LARP1: variants seen among roughly 807,000 people sequenced by gnomAD.
LARP1 encodes La ribonucleoprotein 1, translational regulator.
Under a neutral mutation model 122.7 loss-of-function variants are expected in LARP1, and 36 were observed. That is an observed-to-expected ratio of 0.29 (90% CI 0.22 to 0.39). The LOEUF is 0.39. Ranked by LOEUF, LARP1 falls within the 10% of genes least tolerant of loss-of-function variation. The pLI is 1.00. For missense variants in LARP1, 1,040 were observed against 1,403.6 expected (o/e 0.74, Z 4.14); for synonymous variants, 539 against 528.7 (o/e 1.02, Z -0.27).
At chr5:154,778,206 G>A (rs1756081638) in intron 1 of LARP1, among the ~76,000 whole-genome samples, 1 of 150,224 alleles carries the variant, frequency 6.7e-6, no homozygotes, top group African/African-American at 2.5e-5. Context: ...CTTGCAGTGA[G>A]CCGAGATCGC....
intron 18 of LARP1, among the ~76,000 whole-genome samples, chr5:154,812,051 A>G (rs999666396): frequency 3.3e-5 from 5 of 152,200 alleles, no homozygotes; most frequent in East Asian, 3.9e-4. Flanking sequence ...CAGCGCCTCA[A>G]CGGTGACATC....
upstream of LARP1, among the ~76,000 whole-genome samples, chr5:154,753,702 G>C (rs1483560722): frequency 1.3e-5 from 2 of 152,174 alleles, no homozygotes; most frequent in East Asian, 3.8e-4. Flanking sequence ...CCAGGAGAGG[G>C]GTCCAGGGAA....
chr5:154,761,215 C>G (rs949106467), intron 1 of LARP1, among the ~76,000 whole-genome samples: 1 of 152,292 alleles, frequency 6.6e-6, no homozygotes, highest in South Asian at 2.1e-4. Context: ...TCCTTTTGCA[C>G]AGGTAGTTTG....
intron 1 of LARP1, among the ~76,000 whole-genome samples, chr5:154,734,536 A>G (rs1582236316): frequency 6.6e-6 from 1 of 152,216 alleles, no homozygotes; most frequent in East Asian, 1.9e-4. Context: ...ATTAGAATAG[A>G]AAAGGACATT....
In LARP1 at chr5:154,803,939, C is replaced by A; in HGVS notation, c.2439+194C>A. On this transcript the variant is annotated intron_variant, in intron 13 of 18. Coordinates refer to ENST00000518297, the MANE Select transcript of LARP1 (RefSeq NM_033551.3). The surrounding 1 kb of genome is among the most constrained non-coding windows in gnomAD (Gnocchi z 4.4). ...AATATACTGGGTGTGGGAGTGGTAACCCCATGTTGAAAGGCCTAAGGAGGA... is the reference window on the plus strand; with the variant it reads ...AATATACTGGGTGTGGGAGTGGTAAACCCATGTTGAAAGGCCTAAGGAGGA... 6.6e-6 allele frequency among the ~76,000 whole-genome samples: 1 copy of A among 152,088 alleles called. No homozygotes were observed. The highest frequency in any genetic ancestry group is 1.9e-4 in the East Asian group (1 of 5,192).
chr5:154,759,532 T>C (rs936911018), intron 1 of LARP1, among the ~76,000 whole-genome samples: 2 of 152,190 alleles, frequency 1.3e-5, no homozygotes, highest in African/African-American at 2.4e-5. Flanking sequence ...GTTTTAACTT[T>C]TTAGTTTGCC....
At chr5:154,794,372 C>G (rs1757582183) in intron 7 of LARP1, 110 bp downstream of exon 7, 3 of 1,037,512 alleles carry the variant, frequency 2.9e-6, no homozygotes, top group Non-Finnish European at 4.2e-6. Flanking sequence ...GTTTCAGCCT[C>G]AGGCTGAAAA....
chr5:154,741,898 G>C (rs905215470), intron 1 of LARP1, among the ~76,000 whole-genome samples: 1 of 152,164 alleles, frequency 6.6e-6, no homozygotes, highest in Non-Finnish European at 1.5e-5. Flanking sequence ...AACACACCAG[G>C]CAATGATACC....
intron 8 of LARP1, among the ~76,000 whole-genome samples, chr5:154,796,894 G>C (rs1757905799): frequency 6.6e-6 from 1 of 152,188 alleles, no homozygotes. Flanking sequence ...TAGGTGACCA[G>C]TGAGATTTGG....
chr5:154,755,766 T>A lies in LARP1; in HGVS notation c.9T>A (p.Thr3=). The change falls in exon 1 of 19, where the codon ACT becomes ACA. Residue 3 remains threonine (T), a synonymous_variant. Transcript: ENST00000518297. The part of the protein sequence containing the change: MA[T]QVEPLLPGGA... ...GGGGGGCGGGCGCGCAGATGGCCAC[T>A]CAGGTGGAGCCGCTGCTGCCTGGGG... 1 of 987,254 alleles carries A rather than the reference T, an allele frequency of 1.0e-6. No individual in the cohort carries two copies. The highest frequency in any genetic ancestry group is 1.2e-6 in the Non-Finnish European group (1 of 830,762). The allele number at this position is 987,254 out of a possible 1,614,324, so 61.2% of individuals were successfully genotyped here. A position where few individuals can be genotyped will look rare whatever the true frequency, so the allele number is the denominator to read the frequency against.
chr5:154,704,991 G>A (rs553347679), intron 1 of LARP1, among the ~76,000 whole-genome samples: 49 of 151,866 alleles, frequency 3.2e-4, no homozygotes, highest in African/African-American at 1.0e-3. Context: ...GGTGGCATGC[G>A]CCTGTAATCC....
At chr5:154,792,118 A>C in intron 3 of LARP1, 1 of 370,098 alleles carries the variant, frequency 2.7e-6, no homozygotes. Context: ...TCCAGACCAC[A>C]TGTCTTGGGG....
chr5:154,785,150 C>G (rs1756779657), intron 1 of LARP1, among the ~76,000 whole-genome samples: 1 of 152,236 alleles, frequency 6.6e-6, no homozygotes. Context: ...AAGCCTTCCT[C>G]TTTCCTGGGG....
At chr5:154,752,378 G>A (rs777020447), upstream of LARP1, among the ~76,000 whole-genome samples, 26 of 151,956 alleles carry the variant, frequency 1.7e-4, no homozygotes, top group Non-Finnish European at 2.9e-4. Context: ...GAGTAGCTTG[G>A]ATTACAGGTG....
chr5:154,729,649 A>G (rs1756436270), intron 1 of LARP1: 3 of 400,372 alleles, frequency 7.5e-6, no homozygotes, highest in South Asian at 6.1e-5. Context: ...ACCAATGAAT[A>G]GGAGCCTGAG....
chr5:154,747,322 A>G (rs1308802940), intron 1 of LARP1, among the ~76,000 whole-genome samples: 2 of 150,350 alleles, frequency 1.3e-5, no homozygotes, highest in South Asian at 2.1e-4. Context: ...AAAAAAAAAG[A>G]AAAAGAAAAA....
chr5:154,694,852 A>AT (rs1320778757), intron 1 of LARP1, among the ~76,000 whole-genome samples: 1 of 150,678 alleles, frequency 6.6e-6, no homozygotes, highest in East Asian at 2.0e-4. Context: ...GTTTTTTTTT[A>AT]TTTTTCTGAT....
chr5:154,701,245 G>GC (rs1174192853), intron 1 of LARP1, among the ~76,000 whole-genome samples: 2 of 152,080 alleles, frequency 1.3e-5, no homozygotes, highest in African/African-American at 2.4e-5. Flanking sequence ...GCTAAGTAAC[G>GC]CCCCATTGCC....
At chr5:154,780,800 A>G (rs985905998) in intron 1 of LARP1, among the ~76,000 whole-genome samples, 1 of 152,184 alleles carries the variant, frequency 6.6e-6, no homozygotes, top group Non-Finnish European at 1.5e-5. Flanking sequence ...GGTGGCCCAT[A>G]CCTGTAATCC....
Sources: gnomAD v4.1 joint callset for allele counts (sites outside exome capture counted in the v4.1 genomes callset) on GRCh38, gnomAD v4.1.1 for gene constraint, Gnocchi (gnomAD v3.1) non-coding constraint, MANE v1.5 for transcripts, NCBI Gene and HGNC (gene_info 2026-07-23, HGNC 2026-07-21) for gene names.